Variants in MMP16 observed in about 807,000 individuals in gnomAD.
MMP16 encodes matrix metallopeptidase 16.
A neutral mutation model predicts 67.8 loss-of-function variants in MMP16; 12 were observed. The ratio of observed to expected loss-of-function variants is 0.18; its 90% CI spans 0.11 to 0.29. MMP16 has a LOEUF of 0.29. Ranked by LOEUF, MMP16 falls within the 10% of genes least tolerant of loss-of-function variation. The pLI is 1.00. For missense variants in MMP16, 475 were observed against 765.7 expected (o/e 0.62, Z 4.48); for synonymous variants, 249 against 255.9 (o/e 0.97, Z 0.26).
intron 1 of MMP16, among the ~76,000 whole-genome samples, chr8:88,298,746 T>C (rs567439008): frequency 1.3e-5 from 2 of 152,296 alleles, no homozygotes; most frequent in Admixed American, 6.5e-5. Flanking sequence ...ATATATCTTT[T>C]CAATTTGGCG....
At chr8:88,061,012 C>A (rs1047249638) in intron 7 of MMP16, among the ~76,000 whole-genome samples, 1 of 74,642 alleles carries the variant, frequency 1.3e-5, no homozygotes, top group Admixed American at 2.2e-4. Context: ...ATAAGGCATG[C>A]CTTGGTATTG....
chr8:88,084,361 A>AT (rs758089466), intron 6 of MMP16, among the ~76,000 whole-genome samples: 7 of 151,970 alleles, frequency 4.6e-5, no homozygotes, highest in African/African-American at 7.2e-5. Context: ...ACTTCTTCAC[A>AT]TTTAAGAGAG....
intron 6 of MMP16, among the ~76,000 whole-genome samples, chr8:88,096,100 AAAG>A (rs1249174558): frequency 1.3e-5 from 2 of 151,982 alleles, no homozygotes; most frequent in Non-Finnish European, 2.9e-5. Flanking sequence ...AGAGAGCTTG[AAAG>A]AAGAACGTTG....
At chr8:88,138,254 T>C (rs764430232) in intron 4 of MMP16, among the ~76,000 whole-genome samples, 5 of 151,956 alleles carry the variant, frequency 3.3e-5, no homozygotes, top group African/African-American at 4.8e-5. Context: ...CTGTGTCCTA[T>C]TGGAGACTGA....
At chr8:88,159,162 T>A (rs537957948) in intron 4 of MMP16, among the ~76,000 whole-genome samples, 22 of 152,276 alleles carry the variant, frequency 1.4e-4, no homozygotes, top group Non-Finnish European at 2.4e-4. Flanking sequence ...CTCTTTTGGG[T>A]CCATATGAAC....
chr8:88,087,019 A>T (rs1808845311), intron 6 of MMP16, among the ~76,000 whole-genome samples: 1 of 151,882 alleles, frequency 6.6e-6, no homozygotes, highest in Non-Finnish European at 1.5e-5. Flanking sequence ...CCAGGAATTT[A>T]GGAAAACTTG....
At chr8:88,262,505 A>G (rs932664447) in intron 1 of MMP16, among the ~76,000 whole-genome samples, 7 of 152,176 alleles carry the variant, frequency 4.6e-5, no homozygotes, top group African/African-American at 1.7e-4. Context: ...TACACACTTG[A>G]GGCTCCTCGC....
intron 4 of MMP16, among the ~76,000 whole-genome samples, chr8:88,141,809 C>A (rs1315922881): frequency 6.6e-6 from 1 of 152,058 alleles, no homozygotes; most frequent in Non-Finnish European, 1.5e-5. Context: ...AACAACATAA[C>A]AACATATTAA....
chr8:88,177,429 A>G (rs914626923), intron 3 of MMP16, among the ~76,000 whole-genome samples: 7 of 152,164 alleles, frequency 4.6e-5, no homozygotes, highest in African/African-American at 1.4e-4. Context: ...ACGGTTTATC[A>G]AGAGCAAAAG....
intron 1 of MMP16, among the ~76,000 whole-genome samples, chr8:88,232,037 A>G (rs1809867960): frequency 6.6e-6 from 1 of 152,122 alleles, no homozygotes; most frequent in African/African-American, 2.4e-5. Context: ...ATTGAACCAT[A>G]AAGAGAAGGA....
chr8:88,305,409 G>A (rs1450716471), intron 1 of MMP16, among the ~76,000 whole-genome samples: 3 of 151,882 alleles, frequency 2.0e-5, no homozygotes, highest in African/African-American at 4.8e-5. Flanking sequence ...AAAGATATTC[G>A]GGACTTGAAC....
intron 1 of MMP16, among the ~76,000 whole-genome samples, chr8:88,273,983 A>G (rs1585992801): frequency 6.6e-6 from 1 of 152,128 alleles, no homozygotes; most frequent in East Asian, 1.9e-4. Context: ...CATCATCATC[A>G]TCATCATCAT....
At chr8:88,308,003 G>C (rs1811237287) in intron 1 of MMP16, among the ~76,000 whole-genome samples, 1 of 152,064 alleles carries the variant, frequency 6.6e-6, no homozygotes, top group Non-Finnish European at 1.5e-5. Context: ...AAGGGAAGAA[G>C]CAGAAACTTC....
chr8:88,274,793 A>G (rs150107801), intron 1 of MMP16, among the ~76,000 whole-genome samples: 70 of 152,158 alleles, frequency 4.6e-4, no homozygotes, highest in African/African-American at 1.6e-3. Context: ...TAATATCAAA[A>G]AAGAGATAAT....
intron 1 of MMP16, among the ~76,000 whole-genome samples, chr8:88,220,033 T>C (rs1330566241): frequency 2.0e-5 from 3 of 152,166 alleles, no homozygotes; most frequent in Non-Finnish European, 4.4e-5. Context: ...CTATACCCCT[T>C]ACTCACTCCT....
chr8:88,122,185 A>G (rs1807851263), intron 4 of MMP16, among the ~76,000 whole-genome samples: 2 of 152,046 alleles, frequency 1.3e-5, no homozygotes, highest in Non-Finnish European at 1.5e-5. Context: ...AATGAATTAC[A>G]GTTTCCCCTA....
At chr8:88,241,083 T>G (rs889161010) in intron 1 of MMP16, among the ~76,000 whole-genome samples, 2 of 149,734 alleles carry the variant, frequency 1.3e-5, no homozygotes, top group Admixed American at 6.7e-5. Flanking sequence ...TTTGTTTTGT[T>G]TTTTTTTTTT....
chr8:88,127,646 C>T (rs1340113488), intron 4 of MMP16, among the ~76,000 whole-genome samples: 1 of 151,704 alleles, frequency 6.6e-6, no homozygotes, highest in Non-Finnish European at 1.5e-5. Context: ...TTGATTAGAA[C>T]TTTCAAGGTT....
chr8:88,268,964 T>C lies in MMP16; in HGVS notation c.132+58111A>G, dbSNP rs373610622. ...CCTATACAAATACAGGATGAGTTTCTCACAGCACCTTGGGATGGAGGATCT... is the reference window on the plus strand; with the variant it reads ...CCTATACAAATACAGGATGAGTTTCCCACAGCACCTTGGGATGGAGGATCT... On this transcript the variant is annotated intron_variant, in intron 1 of 9. Coordinates refer to ENST00000286614, the MANE Select transcript of MMP16 (RefSeq NM_005941.5). Among the ~76,000 whole-genome samples, 208 of 152,230 alleles carry C rather than the reference T, an allele frequency of 1.4e-3. 2 individuals carry two copies. Among genetic ancestry groups the C allele is most frequent in the African/African-American group, 4.2e-3 (175 of 41,568 alleles).
Sources: allele counts gnomAD v4.1 joint callset (sites outside exome capture counted in the v4.1 genomes callset), GRCh38; gene constraint gnomAD v4.1.1; transcripts MANE v1.5; gene names NCBI Gene and HGNC (gene_info 2026-07-23, HGNC 2026-07-21).